Variants in PCDH15 observed in about 807,000 individuals in gnomAD.
PCDH15 encodes the protein protocadherin related 15.
Under a neutral mutation model 178.5 loss-of-function variants are expected in PCDH15, and 129 were observed. The ratio of observed to expected loss-of-function variants is 0.72; its 90% CI spans 0.63 to 0.84. The LOEUF (loss-of-function observed/expected upper bound fraction) is 0.84, where lower values mean the gene tolerates loss of function less well. PCDH15 is among the 40% of genes least tolerant of loss of function. The pLI is 0.00. For synonymous variants in PCDH15, 800 were observed against 732.0 expected (o/e 1.09, Z -1.50); for missense variants, 2,230 against 2,099.9 (o/e 1.06, Z -1.21).
chr10:54,394,032 A>G (rs1020547173), intron 3 of PCDH15, among the ~76,000 whole-genome samples: 4 of 152,136 alleles, frequency 2.6e-5, no homozygotes, highest in Non-Finnish European at 5.9e-5. Context: ...AAGAAGAAAG[A>G]AAAAGGAAGG....
At chr10:55,261,500 A>C (rs556336364) in intron 1 of PCDH15, among the ~76,000 whole-genome samples, 1 of 152,112 alleles carries the variant, frequency 6.6e-6, no homozygotes, top group Non-Finnish European at 1.5e-5. Context: ...TGTTATACCA[A>C]TGTATTAGCA....
chr10:54,897,350 C>G (rs1954563139), intron 3 of PCDH15: 1 of 152,170 alleles, frequency 6.6e-6, no homozygotes, highest in Non-Finnish European at 1.5e-5. Context: ...AAAATCAACA[C>G]TCTACTTATG....
rs186009410 is a variant in PCDH15, at chr10:53,815,089, C to G, written c.4491+1150G>C. Among the ~76,000 whole-genome samples the G allele has an allele frequency of 1.1e-4, 17 of 152,122 alleles. No individual in the cohort carries two copies. The East Asian group carries it at 3.1e-3, about 28-fold the overall frequency. ...ACAGTCCCAGTAGACTGTAACAACC[C>G]CTTAGTTGATGAATTCTAGATTTTA... On this transcript the variant is annotated intron_variant, in intron 35 of 37. Transcript: ENST00000644397.
At chr10:54,551,250 A>G (rs1178867340) in intron 2 of PCDH15, among the ~76,000 whole-genome samples, 4 of 152,028 alleles carry the variant, frequency 2.6e-5, no homozygotes, top group African/African-American at 9.7e-5. Context: ...ACTCACAAAT[A>G]TAAACAGACA....
Position 53,857,230 on chromosome 10 carries a change from T to C in PCDH15, c.3751A>G (p.Ile1251Val). Residue 1251 changes from isoleucine to valine, a missense_variant, in exon 28 of 38, where the codon ATT (isoleucine) becomes GTT (valine). By Grantham distance (29) the Ile-to-Val change is conservative. Coordinates refer to ENST00000644397, the MANE Select transcript of PCDH15 (RefSeq NM_001384140.1). ...SVVNQLDMQV[I>V]VSNVPPTLVE... ...AGAGTAGGAGGCACATTGGAAACAA[T>C]GACTTGCATATCCAGCTGATTGACC... The C allele has an allele frequency of 3.1e-6, 5 of 1,612,036 alleles. No individual in the cohort carries two copies. In the South Asian group the frequency reaches 5.5e-5, roughly 18 times the overall value.
intron 26 of PCDH15, among the ~76,000 whole-genome samples, chr10:53,888,363 T>C (rs368401636): frequency 1.3e-5 from 1 of 78,628 alleles, no homozygotes; most frequent in East Asian, 5.8e-4. Context: ...TATATACATA[T>C]ATATATATAT....
At chr10:54,993,020 T>G (rs992979884) in intron 2 of PCDH15, among the ~76,000 whole-genome samples, 4 of 152,178 alleles carry the variant, frequency 2.6e-5, no homozygotes, top group African/African-American at 7.2e-5. Context: ...ATGGTGATCT[T>G]GGTGTAGTAT....
chr10:54,731,066 A>G (rs1943262954), intron 1 of PCDH15, among the ~76,000 whole-genome samples: 2 of 151,478 alleles, frequency 1.3e-5, no homozygotes, highest in South Asian at 4.1e-4. Flanking sequence ...CTCAATGGCA[A>G]AAATAGATGA....
chr10:55,552,419 T>C (rs184855993), intron 2 of PCDH15, among the ~76,000 whole-genome samples: 25 of 151,718 alleles, frequency 1.6e-4, no homozygotes, highest in Admixed American at 1.5e-3. Flanking sequence ...AAATCTATTA[T>C]TTTCTTGTGG....
intron 2 of PCDH15, chr10:54,606,074 C>G (rs1244896651): frequency 6.6e-6 from 1 of 152,084 alleles, no homozygotes; most frequent in Admixed American, 6.6e-5. Context: ...CAATAGCTCT[C>G]ATAGACAGTG....
intron 2 of PCDH15, among the ~76,000 whole-genome samples, chr10:55,529,741 GTATATATATATATATA>G (rs56254743): frequency 0.013 from 816 of 62,758 alleles, 32 homozygotes; most frequent in African/African-American, 0.042. Flanking sequence ...TTGTCTGTGA[GTATATATATATATATA>G]TATATATATA....
At chr10:55,398,572 A>C (rs936574787) in intron 2 of PCDH15, among the ~76,000 whole-genome samples, 1 of 152,204 alleles carries the variant, frequency 6.6e-6, no homozygotes, top group Non-Finnish European at 1.5e-5. Flanking sequence ...ATGCTAAACA[A>C]ATAAATTCAT....
intron 2 of PCDH15, among the ~76,000 whole-genome samples, chr10:54,563,235 C>T (rs2088478207): frequency 1.3e-5 from 2 of 151,994 alleles, no homozygotes; most frequent in Admixed American, 6.6e-5. Flanking sequence ...TTGAAATAAG[C>T]CCAGTTACTA....
chr10:54,927,212 A>C (rs1280572442), intron 2 of PCDH15, among the ~76,000 whole-genome samples: 1 of 152,082 alleles, frequency 6.6e-6, no homozygotes, highest in Admixed American at 6.6e-5. Flanking sequence ...ACTTAGAATC[A>C]GGTTATTGCA....
At chr10:54,506,503 C>T (rs977287854) in intron 3 of PCDH15, among the ~76,000 whole-genome samples, 1 of 151,780 alleles carries the variant, frequency 6.6e-6, no homozygotes, top group Non-Finnish European at 1.5e-5. Flanking sequence ...AATGCTTGTC[C>T]TAATACCTAG....
intron 2 of PCDH15, among the ~76,000 whole-genome samples, chr10:55,341,105 T>C (rs542886258): frequency 5.9e-5 from 9 of 152,010 alleles, no homozygotes; most frequent in Admixed American, 3.3e-4. Context: ...ATAGTGGAGA[T>C]TAATTGCTTA....
At chr10:53,998,926 C>T (rs1312537107) in intron 20 of PCDH15, among the ~76,000 whole-genome samples, 2 of 151,660 alleles carry the variant, frequency 1.3e-5, no homozygotes, top group African/African-American at 4.8e-5. Context: ...GTGGCGGGCA[C>T]CTGTAATCCC....
chr10:55,403,833 G>T lies in PCDH15; in HGVS notation c.-156+223792C>A, dbSNP rs78316596. Among the ~76,000 whole-genome samples, 1,135 of 151,870 alleles carry T rather than the reference G, an allele frequency of 7.5e-3. 13 individuals are homozygous for T. Among genetic ancestry groups the T allele is most frequent in the African/African-American group, 0.024 (1,014 of 41,430 alleles). ...CAAGATGATTTTTTTAAATTTACAG[G>T]CTATAAACGACATTAACAAACCAGT... is the stretch of plus-strand genomic sequence containing the variant. On this transcript the variant is annotated intron_variant, in intron 2 of 5. Transcript: ENST00000613346.
intron 2 of PCDH15, among the ~76,000 whole-genome samples, chr10:55,053,767 AT>A (rs888352398): frequency 6.6e-6 from 1 of 152,198 alleles, no homozygotes; most frequent in African/African-American, 2.4e-5. Flanking sequence ...AAGAAAACAC[AT>A]GGAAAGTGTC....
Sources: allele counts gnomAD v4.1 joint callset (sites outside exome capture counted in the v4.1 genomes callset), GRCh38; gene constraint gnomAD v4.1.1; transcripts MANE v1.5; gene names NCBI Gene and HGNC (gene_info 2026-07-23, HGNC 2026-07-21).